Variants in GLMN observed in about 807,000 individuals in gnomAD.
GLMN encodes glomulin, FKBP associated protein.
In GLMN, 75 loss-of-function variants were observed where a neutral mutation model predicts 87.8. The observed-to-expected ratio is 0.85, with a 90% CI of 0.71 to 1.04. The LOEUF (loss-of-function observed/expected upper bound fraction) is 1.04. GLMN is among the 50% of genes least tolerant of loss of function. The pLI, the probability that GLMN is intolerant of heterozygous loss-of-function variation, is 0.00. For missense variants in GLMN, 588 were observed against 658.8 expected (o/e 0.89, Z 1.18); for synonymous variants, 206 against 221.6 (o/e 0.93, Z 0.63).
chr1:92,311,117 G>A, the GLMN span, among the ~76,000 whole-genome samples: 1 of 152,094 alleles, frequency 6.6e-6, no homozygotes, highest in South Asian at 2.1e-4. Flanking sequence ...TTAATTGATT[G>A]GTCCTGATCT....
the GLMN span, among the ~76,000 whole-genome samples, chr1:92,369,204 A>C: frequency 6.6e-6 from 1 of 152,220 alleles, no homozygotes; most frequent in African/African-American, 2.4e-5. Context: ...AACACATTAA[A>C]TATCAGCTGT....
chr1:92,310,016 C>A, the GLMN span, among the ~76,000 whole-genome samples: 1 of 152,182 alleles, frequency 6.6e-6, no homozygotes, highest in South Asian at 2.1e-4. Flanking sequence ...TTTAATCCAA[C>A]CCCTTCATTA....
chr1:92,274,092 TCTC>T (rs551623155), intron 7 of GLMN, among the ~76,000 whole-genome samples: 2 of 152,092 alleles, frequency 1.3e-5, no homozygotes, highest in South Asian at 2.1e-4. Context: ...ACAGAAGACA[TCTC>T]CTCATTTCAT....
chr1:92,351,200 G>A, the GLMN span, among the ~76,000 whole-genome samples: 2 of 148,234 alleles, frequency 1.3e-5, no homozygotes, highest in Non-Finnish European at 3.0e-5. Flanking sequence ...CTAGCTACTC[G>A]GGAGGCTGAG....
the GLMN span, among the ~76,000 whole-genome samples, chr1:92,361,496 G>A: frequency 3.3e-5 from 5 of 151,988 alleles, no homozygotes; most frequent in Non-Finnish European, 5.9e-5. Flanking sequence ...TGCATTGCAC[G>A]TGAAAAAACA....
At chr1:92,352,167 T>G in the GLMN span, among the ~76,000 whole-genome samples, 3 of 152,238 alleles carry the variant, frequency 2.0e-5, no homozygotes, top group Admixed American at 2.0e-4. Context: ...ACTGGCTGTT[T>G]CCAGTGAACT....
At chr1:92,285,572 C>G (rs560948456) in intron 7 of GLMN, among the ~76,000 whole-genome samples, 1 of 152,286 alleles carries the variant, frequency 6.6e-6, no homozygotes, top group African/African-American at 2.4e-5. Flanking sequence ...ATGTAACAAA[C>G]CTGCACGTTG....
chr1:92,276,283 T>G (rs1647289449), intron 7 of GLMN, among the ~76,000 whole-genome samples: 1 of 151,718 alleles, frequency 6.6e-6, no homozygotes, highest in South Asian at 2.1e-4. Context: ...TATATTTACA[T>G]ATTAAAATAT....
rs977868854 is a variant in GLMN, at chr1:92,248,189, T to TA, written c.1474-201dup. ...AAAAATGTACTTGGGGCACTACGCT[T>TA]ATCACTGCACCATTTGGATAGCTCC... is the stretch of plus-strand genomic sequence containing the variant. On this transcript the variant is annotated intron_variant, in intron 16 of 18. Coordinates refer to ENST00000370360, the MANE Select transcript of GLMN (RefSeq NM_053274.3). 1.3e-5 allele frequency: 7 copies of TA among 520,210 alleles called. No individual in the cohort carries two copies. The Admixed American group carries it at 2.4e-4, about 18-fold the overall frequency. The allele number at this position is 520,210 out of a possible 1,614,324, so 32.2% of individuals were successfully genotyped here.
chr1:92,281,592 A>T (rs1430578172), intron 7 of GLMN, among the ~76,000 whole-genome samples: 2 of 152,240 alleles, frequency 1.3e-5, no homozygotes, highest in Non-Finnish European at 2.9e-5. Flanking sequence ...TATCATCATA[A>T]TGACATGATC....
At chr1:92,326,879 C>T in the GLMN span, among the ~76,000 whole-genome samples, 1 of 152,236 alleles carries the variant, frequency 6.6e-6, no homozygotes, top group Non-Finnish European at 1.5e-5. Flanking sequence ...CTACCAGCCT[C>T]TCACCTGTGA....
the GLMN span, among the ~76,000 whole-genome samples, chr1:92,355,527 T>G: frequency 6.6e-6 from 1 of 152,212 alleles, no homozygotes. Context: ...TGTCCAAGTG[T>G]TATACTTTGT....
chr1:92,314,581 C>T, the GLMN span, among the ~76,000 whole-genome samples: 4 of 151,368 alleles, frequency 2.6e-5, no homozygotes, highest in East Asian at 1.9e-4. Flanking sequence ...GAAACCCCAT[C>T]TCTACTAAAA....
chr1:92,250,887 G>C (rs985227036), intron 16 of GLMN, among the ~76,000 whole-genome samples: 1 of 152,026 alleles, frequency 6.6e-6, no homozygotes, highest in Non-Finnish European at 1.5e-5. Context: ...ACAATTCTGA[G>C]CTTTGACAAA....
chr1:92,301,665 C>T (rs935778975), upstream of GLMN: 4 of 551,358 alleles, frequency 7.3e-6, no homozygotes, highest in Non-Finnish European at 9.3e-6. Flanking sequence ...AACTTCTTTG[C>T]ATTATTAGAA....
At chr1:92,253,681 G>T (rs1305718351) in intron 16 of GLMN, among the ~76,000 whole-genome samples, 1 of 152,190 alleles carries the variant, frequency 6.6e-6, no homozygotes, top group East Asian at 1.9e-4. Flanking sequence ...AGAGGGGCCT[G>T]ACTGTTAGAA....
chr1:92,254,229 A>T (rs138700075), intron 16 of GLMN, among the ~76,000 whole-genome samples: 156 of 152,344 alleles, frequency 1.0e-3, no homozygotes, highest in African/African-American at 3.5e-3. Context: ...AAAAAGAATG[A>T]AAAGGAATGA....
intron 7 of GLMN, among the ~76,000 whole-genome samples, chr1:92,280,802 C>T (rs148512143): frequency 5.9e-5 from 9 of 152,166 alleles, no homozygotes; most frequent in East Asian, 5.8e-4. Context: ...AACCATGGCA[C>T]GAGAACTTCA....
intron 16 of GLMN, among the ~76,000 whole-genome samples, chr1:92,255,520 C>T (rs546439216): frequency 1.7e-3 from 259 of 152,166 alleles, no homozygotes; most frequent in Non-Finnish European, 2.8e-3. Flanking sequence ...AAAACACTCC[C>T]TCCTCAGCAA....
Sources: allele counts gnomAD v4.1 joint callset (sites outside exome capture counted in the v4.1 genomes callset), GRCh38; gene constraint gnomAD v4.1.1; transcripts MANE v1.5; gene names NCBI Gene and HGNC (gene_info 2026-07-23, HGNC 2026-07-21).